The following CCDC50 variants were observed in gnomAD, a reference collection of about 807,000 sequenced individuals.
The protein encoded by CCDC50 is coiled-coil domain containing 50.
In CCDC50, 54 loss-of-function variants were observed where a neutral mutation model predicts 70.2. The observed-to-expected ratio is 0.77, with a 90% confidence interval of 0.62 to 0.96. The LOEUF is 0.96. Among genes scored for constraint, CCDC50 ranks in the 50% least tolerant of loss-of-function variants. The pLI is 0.00. For missense variants in CCDC50, 558 were observed against 578.7 expected (o/e 0.96, Z 0.37); for synonymous variants, 216 against 198.8 (o/e 1.09, Z -0.73).
chr3:191,369,343 T>G (rs1712816254), intron 4 of CCDC50, among the ~76,000 whole-genome samples: 1 of 152,072 alleles, frequency 6.6e-6, no homozygotes, highest in Admixed American at 6.6e-5. Flanking sequence ...GATGATAATC[T>G]TTTAGGAAAC....
chr3:191,360,925 C>G, intron 3 of CCDC50, 144 bp from the exon 4 acceptor site: 1 of 628,632 alleles, frequency 1.6e-6, no homozygotes. Context: ...CCGTGTCAGC[C>G]TCTTTGCATC....
intron 1 of CCDC50, among the ~76,000 whole-genome samples, chr3:191,341,055 G>A (rs1008402035): frequency 5.1e-4 from 77 of 151,760 alleles, no homozygotes; most frequent in African/African-American, 1.8e-3. Flanking sequence ...TGAACTCCTG[G>A]CCTCAAGTGA....
In CCDC50 at chr3:191,329,436, C is replaced by A; in HGVS notation, c.-239C>A. On this transcript the variant is annotated 5_prime_UTR_variant, in exon 1 of 12. Coordinates refer to ENST00000392455, the MANE Select transcript of CCDC50 (RefSeq NM_178335.3). ...ATTTGGTATCGATTGGGGCCGGGGA[C>A]GCGGAGCAGGTGGCCGCGGCGGGGC... 1 of 450,434 alleles carries A rather than the reference C, an allele frequency of 2.2e-6. No homozygotes were observed. Among genetic ancestry groups the A allele is most frequent in the South Asian group, 4.4e-5 (1 of 22,942 alleles). The allele number at this position is 450,434 out of a possible 1,614,324, so 27.9% of individuals were successfully genotyped here. A position where few individuals can be genotyped will look rare whatever the true frequency, so the allele number is the denominator to read the frequency against.
At chr3:191,353,960 T>C (rs1037022733) in intron 1 of CCDC50, among the ~76,000 whole-genome samples, 21 of 152,184 alleles carry the variant, frequency 1.4e-4, no homozygotes, top group Non-Finnish European at 2.9e-4. Flanking sequence ...TAGAATATAC[T>C]TCAGTCTTGC....
At chr3:191,349,724 A>T (rs1278543484) in intron 1 of CCDC50, among the ~76,000 whole-genome samples, 1 of 141,564 alleles carries the variant, frequency 7.1e-6, no homozygotes, top group Non-Finnish European at 1.6e-5. Context: ...TTAAATTTAT[A>T]CAATTAAGAA....
chr3:191,391,138 CTGTT>C (rs1475574070), intron 11 of CCDC50, among the ~76,000 whole-genome samples: 1 of 152,110 alleles, frequency 6.6e-6, no homozygotes, highest in Non-Finnish European at 1.5e-5. Flanking sequence ...TTAATTGATG[CTGTT>C]TATTTGTTAT....
chr3:191,380,082 TTTATC>T lies in CCDC50; in HGVS notation c.977-73_977-69del, dbSNP rs1056397092. ...TGTTAGCTACTAAAGAAAAATCTCC[TTTATC>T]TTAAATTTCTTAACTTTTCAGAAAA... On this transcript the variant is annotated intron_variant, in intron 6 of 11. Coordinates refer to ENST00000392455, the MANE Select transcript of CCDC50 (RefSeq NM_178335.3). The T allele has an allele frequency of 3.3e-6, 3 of 898,936 alleles. No homozygotes were observed. In the African/African-American group the frequency reaches 5.1e-5, roughly 15 times the overall value. The allele number at this position is 898,936 out of a possible 1,614,324, so 55.7% of individuals were successfully genotyped here.
intron 4 of CCDC50, among the ~76,000 whole-genome samples, chr3:191,365,996 C>T (rs1399374067): frequency 6.6e-6 from 1 of 152,122 alleles, no homozygotes; most frequent in Non-Finnish European, 1.5e-5. Context: ...GATTGGGATG[C>T]TCAACCTGTA....
chr3:191,388,808 T>C (rs1713585309), intron 10 of CCDC50, among the ~76,000 whole-genome samples: 1 of 152,194 alleles, frequency 6.6e-6, no homozygotes, highest in Non-Finnish European at 1.5e-5. Flanking sequence ...GTGCAAACTT[T>C]GAGTATACCT....
At position 191,375,597 on chromosome 3, in the gene CCDC50, A is replaced by C. The variant is rs779319217; in HGVS notation, c.976+8A>C. On this transcript the variant is annotated splice_region_variant and intron_variant, in intron 6 of 11. Coordinates refer to ENST00000392455, the MANE Select transcript of CCDC50 (RefSeq NM_178335.3). Reference sequence around the variant, plus strand: ...TCCACCTCCATGACGCAGGTAATAGAGGACAGTCTCGATGGAAGTCCTGGT... The same window carrying C: ...TCCACCTCCATGACGCAGGTAATAGCGGACAGTCTCGATGGAAGTCCTGGT... The C allele has an allele frequency of 6.2e-7, 1 of 1,611,916 alleles. No individual in the cohort carries two copies. Among genetic ancestry groups the C allele is most frequent in the South Asian group, 1.1e-5 (1 of 90,844 alleles).
chr3:191,369,854 C>T (rs751260150), intron 4 of CCDC50, 65 bp from the exon 5 acceptor site: 3 of 1,157,808 alleles, frequency 2.6e-6, no homozygotes, highest in Non-Finnish European at 2.6e-6. Context: ...AATGTCAAGC[C>T]CCACCATATG....
intron 6 of CCDC50, among the ~76,000 whole-genome samples, chr3:191,376,714 CT>C (rs1713125784): frequency 2.0e-5 from 3 of 152,104 alleles, no homozygotes; most frequent in African/African-American, 7.2e-5. Context: ...AGAAAGATGG[CT>C]TTGTAAACAA....
intron 5 of CCDC50, among the ~76,000 whole-genome samples, chr3:191,370,774 C>T (rs1169094268): frequency 1.3e-5 from 2 of 152,146 alleles, no homozygotes; most frequent in Admixed American, 6.5e-5. Context: ...CAGATGTGAG[C>T]CACCGCGCCC....
rs975687458 is a variant in CCDC50 at position 191,357,250 on chromosome 3, T to C, written c.112+100T>C. On this transcript the variant is annotated intron_variant, in intron 2 of 11. Coordinates refer to ENST00000392455, the MANE Select transcript of CCDC50 (RefSeq NM_178335.3). ...TTAGGTGGGGAGAGAGCACAGTCAC[T>C]TGGCTTCACCATCCATACATCCTGA... The C allele has an allele frequency of 6.6e-6, 6 of 907,298 alleles. No individual in the cohort carries two copies. In the Admixed American group the frequency reaches 7.7e-5, roughly 12 times the overall value. The allele number at this position is 907,298 out of a possible 1,614,324, so 56.2% of individuals were successfully genotyped here.
intron 5 of CCDC50, 23 bp from the exon 6 acceptor site, chr3:191,375,039 C>A (rs1713046046): frequency 6.2e-7 from 1 of 1,611,542 alleles, no homozygotes; most frequent in African/African-American, 1.3e-5. Context: ...TTTTATTTTT[C>A]ACATCCCTCT....
In CCDC50 at chr3:191,358,001, A is replaced by G; in HGVS notation, c.116A>G (p.Glu39Gly). Residue 39 changes from glutamate (E) to glycine (G), a missense_variant, in exon 3 of 12, where the codon GAG becomes GGG. Glu to Gly is a moderately conservative substitution (Grantham distance 98, BLOSUM62 -2). Coordinates refer to ENST00000392455, the MANE Select transcript of CCDC50 (RefSeq NM_178335.3). ...GTCCTCAATCTTTTTGTTCCAGTTG[A>G]GCATCATTTGGCATCGAACGTTCAG... ...LAHSLQEQEI[E>G]HHLASNVQRN... 1 of 1,613,968 alleles carries G rather than the reference A, an allele frequency of 6.2e-7. No individual in the cohort carries two copies. The highest frequency in any genetic ancestry group is 8.5e-7 in the Non-Finnish European group (1 of 1,179,862).
chr3:191,374,987 CCT>C (rs1713043821), intron 5 of CCDC50, 73 bp from the exon 6 acceptor site: 13 of 1,447,660 alleles, frequency 9.0e-6, no homozygotes, highest in African/African-American at 4.2e-5. Flanking sequence ...CAGACTCCCC[CCT>C]GTGTAGTGAG....
In CCDC50 at chr3:191,345,467, A is replaced by G. The variant is rs937014044; in HGVS notation, c.50-11621A>G. Among the ~76,000 whole-genome samples the G allele has an allele frequency of 6.6e-5, 10 of 152,184 alleles. No homozygotes were observed. In the East Asian group the frequency reaches 1.9e-3, roughly 29 times the overall value. On this transcript the variant is annotated intron_variant, in intron 1 of 11. Transcript: ENST00000392455. ...GCTTTTTCACTCTTCCTCTCACTCC[A>G]GATCATTTGTGCTGTCAGATGGAAA... is the stretch of plus-strand genomic sequence containing the variant.
intron 11 of CCDC50, among the ~76,000 whole-genome samples, chr3:191,390,942 T>A (rs1349278951): frequency 6.6e-6 from 1 of 152,202 alleles, no homozygotes; most frequent in Admixed American, 6.5e-5. Flanking sequence ...CTGCGTTCAC[T>A]TATGTACATT....
Sources: allele counts gnomAD v4.1 joint callset (sites outside exome capture counted in the v4.1 genomes callset), GRCh38; gene constraint gnomAD v4.1.1; transcripts MANE v1.5; gene names NCBI Gene and HGNC (gene_info 2026-07-23, HGNC 2026-07-21).